FAT4: variants seen among roughly 807,000 people sequenced by gnomAD.
FAT4 encodes protocadherin Fat 4.
A neutral mutation model predicts 303.9 loss-of-function variants in FAT4; 84 were observed. The observed-to-expected ratio is 0.28, with a 90% CI of 0.23 to 0.33. The LOEUF is 0.33. Among genes scored for constraint, FAT4 ranks in the 10% least tolerant of loss-of-function variants. FAT4 has a pLI of 1.00. For synonymous variants in FAT4, 2,307 were observed against 2,298.8 expected, an observed-to-expected ratio of 1.00 and a Z score of -0.10; for missense variants, 6,005 against 6,146.8, an observed-to-expected ratio of 0.98 and a Z score of 0.77.
intron 7 of FAT4, among the ~76,000 whole-genome samples, chr4:125,428,522 G>A (rs1043201043): frequency 2.2e-4 from 33 of 152,254 alleles, no homozygotes; most frequent in African/African-American, 7.5e-4. Context: ...CTCTTCCCAT[G>A]AGTGTGTGCA....
chr4:125,419,480 T>G (rs1295050830), intron 7 of FAT4, among the ~76,000 whole-genome samples: 2 of 152,230 alleles, frequency 1.3e-5, no homozygotes, highest in African/African-American at 4.8e-5. Context: ...TGGGGTAGTA[T>G]GATAGCTTGC....
Position 125,440,608 on chromosome 4 carries a change from T to TGAGAGAGAGAGAGA in FAT4, c.7200-5684_7200-5683insAGAGAGAGAGAGAG, listed in dbSNP as rs766978076. Among the ~76,000 whole-genome samples, 561 of 57,186 alleles carry TGAGAGAGAGAGAGA rather than the reference T, an allele frequency of 9.8e-3. 4 individuals are homozygous for TGAGAGAGAGAGAGA. The highest frequency in any genetic ancestry group is 0.017 in the South Asian group (29 of 1,674). 37.5% of individuals were successfully genotyped at this position (57,186 alleles called of 152,430 possible). ...GTGTGTGTGTGTGTGTGTGTGTGTG[T>TGAGAGAGAGAGAGA]GTGAGAGAGAGAGAGAGAGAGAGAG... On this transcript the variant is annotated intron_variant, in intron 8 of 17. Transcript: ENST00000394329.
rs781273935 is a variant in FAT4, at chr4:125,450,120, A to G, written c.9110A>G (p.Asp3037Gly). The change falls in exon 10 of 18, where the codon GAC (aspartate) becomes GGC (glycine). Residue 3037 changes from aspartate to glycine, a missense_variant. Asp to Gly is a moderately conservative substitution (Grantham distance 94). Transcript: ENST00000394329. ...NDNHLGKFKL[D>G]NDTGWISVAS... ...AACCATTTAGGAAAATTTAAGTTGG[A>G]CAATGATACGGGGTGGATTTCAGTA... 6 of 1,613,660 alleles carry G rather than the reference A, an allele frequency of 3.7e-6. No homozygotes were observed. The African/African-American group carries it at 4.0e-5, about 11-fold the overall frequency.
chr4:125,362,167 A>G (rs1732700304), intron 2 of FAT4, among the ~76,000 whole-genome samples: 1 of 152,058 alleles, frequency 6.6e-6, no homozygotes. Context: ...TTATTTTGTT[A>G]TATTTACCCT....
In FAT4 at chr4:125,343,165, ATGTAAAT is replaced by A. The variant is rs543358978; in HGVS notation, c.5175+21582_5175+21588del. Among the ~76,000 whole-genome samples, 10 of 152,072 alleles carry A rather than the reference ATGTAAAT, an allele frequency of 6.6e-5. No individual in the cohort carries two copies. In the East Asian group the frequency reaches 1.5e-3, roughly 24 times the overall value. On this transcript the variant is annotated intron_variant, in intron 2 of 17. Transcript: ENST00000394329. Reference sequence around the variant, plus strand: ...TTTATAAGGCCTCAATTTTTTTCCCATGTAAATTGAGGTATGCTATTGAGTTCTCTGA... The same window carrying A: ...TTTATAAGGCCTCAATTTTTTTCCCATGAGGTATGCTATTGAGTTCTCTGA...
At chr4:125,388,201 AAG>A (rs1733836246) in intron 2 of FAT4, among the ~76,000 whole-genome samples, 1 of 152,176 alleles carries the variant, frequency 6.6e-6, no homozygotes, top group Non-Finnish European at 1.5e-5. Flanking sequence ...AATATTATGA[AAG>A]AGCCCAAAAA....
At chr4:125,432,818 GATATAT>G (rs34640347) in intron 7 of FAT4, among the ~76,000 whole-genome samples, 2 of 151,506 alleles carry the variant, frequency 1.3e-5, no homozygotes, top group African/African-American at 4.9e-5. Context: ...AATATCTTAT[GATATAT>G]ATATATATAT....
Position 125,463,626 on chromosome 4 carries a change from G to A in FAT4, c.11864G>A (p.Cys3955Tyr). 6.2e-7 allele frequency: 1 copy of A among 1,600,390 alleles called. No individual in the cohort carries two copies. The highest frequency in any genetic ancestry group is 8.5e-7 in the Non-Finnish European group (1 of 1,171,768). ...ECNPCFNGGS[C>Y]QSGVDSYYCH... ...AACCCCTGCTTTAATGGTGGTTCCT[G>A]CCAAAGTGGTGTGGATTCTTATTAT... The change falls in exon 11 of 18, where the codon TGC (cysteine) becomes TAC (tyrosine). Residue 3955 changes from cysteine (C) to tyrosine (Y), a missense_variant. Transcript: ENST00000394329.
chr4:125,315,777 C>G lies in FAT4; in HGVS notation c.-213C>G, dbSNP rs1400026124. 2.0e-5 allele frequency among the ~76,000 whole-genome samples: 3 copies of G among 152,154 alleles called. No homozygotes were observed. The highest frequency in any genetic ancestry group is 7.2e-5 in the African/African-American group (3 of 41,444). On this transcript the variant is annotated 5_prime_UTR_variant, in exon 1 of 18. Coordinates refer to ENST00000394329, the MANE Select transcript of FAT4 (RefSeq NM_001291303.3). ...CGAACTGCCTGCGCGCAGACGCCGC[C>G]GCCTGGGCCTCAGCGGCCACTGCCG...
At chr4:125,404,194 A>G (rs1734497881) in intron 3 of FAT4, among the ~76,000 whole-genome samples, 1 of 152,078 alleles carries the variant, frequency 6.6e-6, no homozygotes, top group African/African-American at 2.4e-5. Context: ...CAGAACAGGG[A>G]CTTTCATTTT....
At chr4:125,339,429 C>A (rs1560767697) in intron 2 of FAT4, among the ~76,000 whole-genome samples, 1 of 152,126 alleles carries the variant, frequency 6.6e-6, no homozygotes, top group East Asian at 1.9e-4. Context: ...ATCTTCTGAC[C>A]TCGTGATCCG....
At chr4:125,465,275 G>C (rs1433669181) in intron 11 of FAT4, among the ~76,000 whole-genome samples, 1 of 152,142 alleles carries the variant, frequency 6.6e-6, no homozygotes, top group Non-Finnish European at 1.5e-5. Flanking sequence ...TGCCTGTGAA[G>C]TAATGAAAGG....
rs1407095180 is a variant in FAT4 at position 125,452,637 on chromosome 4, G to A, written c.11627G>A (p.Gly3876Asp). 1.2e-6 allele frequency: 2 copies of A among 1,613,958 alleles called. No individual in the cohort carries two copies. The highest frequency in any genetic ancestry group is 1.7e-6 in the Non-Finnish European group (2 of 1,180,000). The change falls in exon 10 of 18, where the codon GGT becomes GAT. Residue 3876 changes from glycine to aspartate, a missense_variant. Gly to Asp is a moderately conservative substitution (Grantham distance 94). Coordinates refer to ENST00000394329, the MANE Select transcript of FAT4 (RefSeq NM_001291303.3). ...TGTCTTCCATCACCTTGCCACAGTG[G>A]TGGAACCTGTCACAATTTAGTGGGA... The part of the protein sequence containing the change: ...DECLPSPCHS[G>D]GTCHNLVGGF...
intron 11 of FAT4, among the ~76,000 whole-genome samples, chr4:125,465,684 C>A (rs181446415): frequency 6.6e-6 from 1 of 152,218 alleles, no homozygotes. Flanking sequence ...CTGTAGACAT[C>A]GCCAGGGGAA....
intron 2 of FAT4, among the ~76,000 whole-genome samples, chr4:125,345,127 A>G (rs1239401654): frequency 2.0e-5 from 3 of 152,120 alleles, no homozygotes; most frequent in Non-Finnish European, 4.4e-5. Flanking sequence ...TGCTGCTTCC[A>G]TTTACACATT....
At chr4:125,341,901 C>A (rs1731812419) in intron 2 of FAT4, among the ~76,000 whole-genome samples, 1 of 151,938 alleles carries the variant, frequency 6.6e-6, no homozygotes, top group African/African-American at 2.4e-5. Context: ...CTATGTGTGG[C>A]TTTTCATCAT....
At chr4:125,337,094 T>TCTTC (rs1338658001) in intron 2 of FAT4, among the ~76,000 whole-genome samples, 5 of 151,984 alleles carry the variant, frequency 3.3e-5, no homozygotes, top group Non-Finnish European at 5.9e-5. Context: ...ACTTCACTGG[T>TCTTC]CTTCAATTGT....
rs1329959098 is a variant in FAT4 at position 125,451,736 on chromosome 4, A to C, written c.10726A>C (p.Arg3576=). The C allele has an allele frequency of 6.2e-7, 1 of 1,614,210 alleles. No individual in the cohort carries two copies. Residue 3576 remains arginine, a synonymous_variant, in exon 10 of 18, where the codon AGA becomes CGA. Transcript: ENST00000394329. ...GVLSTTREID[R]EQIADFYLSV... The stretch of plus-strand genomic sequence containing the variant: ...TCTGAGCACAACCAGAGAGATTGAC[A>C]GAGAGCAGATTGCAGACTTCTATCT...
intron 2 of FAT4, among the ~76,000 whole-genome samples, chr4:125,391,577 A>G (rs755661105): frequency 1.3e-5 from 2 of 152,072 alleles, no homozygotes; most frequent in Non-Finnish European, 2.9e-5. Flanking sequence ...GCAGCAAACC[A>G]CCATGGCACA....
Sources: gnomAD v4.1 joint callset for allele counts (sites outside exome capture counted in the v4.1 genomes callset) on GRCh38, gnomAD v4.1.1 for gene constraint, MANE v1.5 for transcripts, NCBI Gene and HGNC (gene_info 2026-07-23, HGNC 2026-07-21) for gene names.